The following NRG1 variants were observed in gnomAD, a reference collection of about 807,000 sequenced individuals.
NRG1 encodes neuregulin 1.
In NRG1, 18 loss-of-function variants were observed where a neutral mutation model predicts 63.8. The ratio of observed to expected loss-of-function variants is 0.28; its 90% CI spans 0.19 to 0.42. The LOEUF is 0.42. Ranked by LOEUF, NRG1 falls within the 10% of genes least tolerant of loss-of-function variation. The pLI, the probability that NRG1 is intolerant of heterozygous loss-of-function variation, is 1.00. For missense variants in NRG1, 762 were observed against 814.7 expected (o/e 0.94, Z 0.79); for synonymous variants, 302 against 301.3 (o/e 1.00, Z -0.02).
chr8:32,399,413 G>A (rs867714677), intron 1 of NRG1, among the ~76,000 whole-genome samples: 2 of 152,216 alleles, frequency 1.3e-5, no homozygotes, highest in Non-Finnish European at 2.9e-5. Context: ...TTTGGGGTTA[G>A]GGGGATGTGG....
At chr8:32,655,533 A>T (rs562730415) in intron 5 of NRG1, among the ~76,000 whole-genome samples, 45 of 152,322 alleles carry the variant, frequency 3.0e-4, no homozygotes, top group African/African-American at 1.1e-3. Flanking sequence ...TCGTGTATGC[A>T]TATATTCACA....
chr8:32,345,801 G>A (rs901280849), intron 1 of NRG1, among the ~76,000 whole-genome samples: 2 of 151,824 alleles, frequency 1.3e-5, no homozygotes, highest in African/African-American at 2.4e-5. Flanking sequence ...GACAAACCCT[G>A]TCTCTACTAA....
chr8:32,503,337 A>G (rs1027020318), intron 1 of NRG1, among the ~76,000 whole-genome samples: 8 of 151,256 alleles, frequency 5.3e-5, no homozygotes, highest in Non-Finnish European at 5.9e-5. Flanking sequence ...TTAAATAGAT[A>G]AACTTTAGTA....
At chr8:32,312,330 ATTTTTTT>A (rs4035492) in intron 1 of NRG1, among the ~76,000 whole-genome samples, 4 of 89,196 alleles carry the variant, frequency 4.5e-5, no homozygotes, top group African/African-American at 1.1e-4. Context: ...TGCCCAGCTA[ATTTTTTT>A]TTTTTTTTTT....
intron 1 of NRG1, among the ~76,000 whole-genome samples, chr8:32,196,056 A>G (rs1842916610): frequency 6.6e-6 from 1 of 151,922 alleles, no homozygotes; most frequent in South Asian, 2.1e-4. Context: ...TTAGTAAATT[A>G]CTTTTGTACT....
chr8:32,769,655 G>A (rs1051914323), downstream of NRG1, among the ~76,000 whole-genome samples: 2 of 152,156 alleles, frequency 1.3e-5, no homozygotes, highest in African/African-American at 2.4e-5. Context: ...TAAAATAAAT[G>A]TAAGGGAACT....
intron 1 of NRG1, among the ~76,000 whole-genome samples, chr8:31,642,660 T>A (rs1007282761): frequency 6.6e-6 from 1 of 152,182 alleles, no homozygotes; most frequent in African/African-American, 2.4e-5. Flanking sequence ...TGGCACGTTT[T>A]AAAAAAATGG....
At chr8:31,717,310 G>A (rs1812447710) in intron 1 of NRG1, among the ~76,000 whole-genome samples, 1 of 151,566 alleles carries the variant, frequency 6.6e-6, no homozygotes, top group African/African-American at 2.4e-5. Flanking sequence ...GGGAGGCTGA[G>A]CCAGGAGAAT....
At chr8:32,759,957 A>G (rs1371458123) in intron 10 of NRG1, among the ~76,000 whole-genome samples, 2 of 152,158 alleles carry the variant, frequency 1.3e-5, no homozygotes, top group Non-Finnish European at 2.9e-5. Context: ...GGCATTCGAA[A>G]ATATTTATTG....
At chr8:32,238,091 G>A (rs1000011349) in intron 1 of NRG1, among the ~76,000 whole-genome samples, 7 of 152,130 alleles carry the variant, frequency 4.6e-5, no homozygotes, top group Non-Finnish European at 5.9e-5. Flanking sequence ...TGCTCCAAGG[G>A]CTATCTGATT....
At chr8:31,671,751 G>C (rs1162792235) in intron 1 of NRG1, among the ~76,000 whole-genome samples, 1 of 152,134 alleles carries the variant, frequency 6.6e-6, no homozygotes, top group Non-Finnish European at 1.5e-5. Flanking sequence ...AGATTTAGGA[G>C]AGGGAGGAGT....
At chr8:32,147,018 A>G (rs7817902) in intron 1 of NRG1, among the ~76,000 whole-genome samples, 2,005 of 152,304 alleles carry the variant, frequency 0.013, 53 homozygotes, top group African/African-American at 0.045. Flanking sequence ...CATACTTAGA[A>G]GTAGTAAACA....
At chr8:32,707,533 A>C (rs1357443542) in intron 5 of NRG1, among the ~76,000 whole-genome samples, 2 of 152,078 alleles carry the variant, frequency 1.3e-5, no homozygotes, top group African/African-American at 4.8e-5. Flanking sequence ...TGACACAGTT[A>C]TATTTCATTC....
At chr8:31,931,541 C>T (rs535132542) in intron 1 of NRG1, among the ~76,000 whole-genome samples, 13 of 152,220 alleles carry the variant, frequency 8.5e-5, no homozygotes, top group African/African-American at 2.6e-4. Flanking sequence ...CTGCAATACA[C>T]GCGTGATAAT....
At chr8:32,215,479 A>G (rs1038966698) in intron 1 of NRG1, among the ~76,000 whole-genome samples, 1 of 152,168 alleles carries the variant, frequency 6.6e-6, no homozygotes, top group African/African-American at 2.4e-5. Flanking sequence ...CAGCCATCAC[A>G]CTACATGCTT....
chr8:31,761,674 C>T (rs556582559), intron 1 of NRG1, among the ~76,000 whole-genome samples: 17 of 152,070 alleles, frequency 1.1e-4, no homozygotes, highest in South Asian at 1.0e-3. Context: ...GACCATCTTG[C>T]GTGGGAGTGA....
intron 1 of NRG1, among the ~76,000 whole-genome samples, chr8:31,737,734 C>G (rs1342317864): frequency 1.3e-5 from 2 of 152,116 alleles, no homozygotes; most frequent in Admixed American, 1.3e-4. Flanking sequence ...AGACCACCTT[C>G]TCATGCCTGA....
At chr8:32,647,748 G>A in intron 5 of NRG1, 1 of 1,590,234 alleles carries the variant, frequency 6.3e-7, no homozygotes, top group Non-Finnish European at 8.6e-7. Context: ...CATGTCTGAG[G>A]TCGCCGCCGA....
At chr8:32,244,596 T>G (rs1848432649) in intron 1 of NRG1, among the ~76,000 whole-genome samples, 1 of 152,196 alleles carries the variant, frequency 6.6e-6, no homozygotes, top group African/African-American at 2.4e-5. Flanking sequence ...CACCACTTTT[T>G]TCTAGAAGCA....
Sources: allele counts gnomAD v4.1 joint callset (sites outside exome capture counted in the v4.1 genomes callset), GRCh38; gene constraint gnomAD v4.1.1; transcripts MANE v1.5; gene names NCBI Gene and HGNC (gene_info 2026-07-23, HGNC 2026-07-21).